The following C4orf51 variants were observed in gnomAD, a reference collection of about 807,000 sequenced individuals.
The protein encoded by C4orf51 is uncharacterized protein C4orf51.
A neutral mutation model predicts 25.2 loss-of-function variants in C4orf51; 25 were observed. The ratio of observed to expected loss-of-function variants is 0.99; its 90% CI spans 0.72 to 1.39. The LOEUF is 1.39. C4orf51 is among the 40% of genes most tolerant of loss of function. C4orf51 has a pLI of 0.00. For synonymous variants in C4orf51, 100 were observed against 84.5 expected, an observed-to-expected ratio of 1.18 and a Z score of -1.01; for missense variants, 252 against 239.6, an observed-to-expected ratio of 1.05 and a Z score of -0.34.
chr4:145,732,334 A>G (rs560164218), intron 5 of C4orf51, 119 bp from the exon 6 acceptor site: 4 of 638,248 alleles, frequency 6.3e-6, no homozygotes, highest in South Asian at 2.0e-5. Context: ...TGCAGGATCA[A>G]TCCCATCTCC....
At chr4:145,707,259 A>G (rs1005471739) in intron 2 of C4orf51, among the ~76,000 whole-genome samples, 1 of 152,218 alleles carries the variant, frequency 6.6e-6, no homozygotes, top group East Asian at 1.9e-4. Flanking sequence ...ACTTTTTTAT[A>G]TAAAATCTCT....
At chr4:145,747,569 A>G (rs1483008512) in intron 1 of C4orf51, among the ~76,000 whole-genome samples, 1 of 152,124 alleles carries the variant, frequency 6.6e-6, no homozygotes, top group East Asian at 1.9e-4. Context: ...AATGATGAAT[A>G]ATCCTTTTAA....
chr4:145,704,488 C>T (rs1486703685), intron 2 of C4orf51, among the ~76,000 whole-genome samples: 1 of 151,960 alleles, frequency 6.6e-6, no homozygotes, highest in African/African-American at 2.4e-5. Context: ...CTATTCTTTC[C>T]CTATTGTGTA....
the C4orf51 span, among the ~76,000 whole-genome samples, chr4:145,780,428 C>G: frequency 7.9e-5 from 12 of 152,168 alleles, no homozygotes; most frequent in African/African-American, 2.9e-4. Context: ...AAGAATGAAC[C>G]AGAATTTCCC....
chr4:145,683,361 A>G (rs533999068), intron 1 of C4orf51, among the ~76,000 whole-genome samples: 139 of 152,226 alleles, frequency 9.1e-4, no homozygotes, highest in Non-Finnish European at 1.8e-3. Context: ...TGCAGTTGCA[A>G]TCAAAATCCA....
chr4:145,766,158 T>C (rs1053635124), intron 1 of C4orf51, among the ~76,000 whole-genome samples: 6 of 152,058 alleles, frequency 3.9e-5, no homozygotes, highest in Non-Finnish European at 7.4e-5. Flanking sequence ...CTGGCCTAGA[T>C]CATATGGCTG....
chr4:145,693,477 C>T (rs906393938), intron 1 of C4orf51, among the ~76,000 whole-genome samples: 1 of 152,176 alleles, frequency 6.6e-6, no homozygotes, highest in Non-Finnish European at 1.5e-5. Context: ...AATCTTTTCC[C>T]CACCTTTCCC....
At chr4:145,774,747 A>C, downstream of C4orf51, 1 of 1,488,240 alleles carries the variant, frequency 6.7e-7, no homozygotes. Context: ...CTGTCCATTT[A>C]TACACAGTAC....
intron 2 of C4orf51, among the ~76,000 whole-genome samples, chr4:145,706,560 C>A (rs570272839): frequency 6.6e-6 from 1 of 152,286 alleles, no homozygotes; most frequent in South Asian, 2.1e-4. Context: ...CATTTTGATT[C>A]CTTAAAGAAA....
intron 1 of C4orf51, among the ~76,000 whole-genome samples, chr4:145,740,405 A>C (rs567729656): frequency 3.0e-4 from 46 of 152,202 alleles, no homozygotes; most frequent in Middle Eastern, 3.4e-3. Context: ...GTGGCTCCTA[A>C]CTCATCGGGT....
At chr4:145,709,730 CCAAG>C (rs1221530369) in intron 2 of C4orf51, among the ~76,000 whole-genome samples, 5 of 152,256 alleles carry the variant, frequency 3.3e-5, no homozygotes, top group African/African-American at 9.6e-5. Context: ...AGAAGAAACC[CCAAG>C]CATTGCATGG....
chr4:145,732,637 C>A lies in C4orf51; in HGVS notation c.*77C>A. ...ACTTTGAGGTATGGGGCCCTCCCAA[C>A]ACCCTCCCCCCACCCGCCCCGCCCA... is the stretch of plus-strand genomic sequence containing the variant. On this transcript the variant is annotated 3_prime_UTR_variant, in exon 6 of 6. Transcript: ENST00000438731. The A allele has an allele frequency of 3.2e-6, 3 of 936,760 alleles. No individual in the cohort carries two copies. Among genetic ancestry groups the A allele is most frequent in the East Asian group, 2.7e-5 (1 of 36,900 alleles). The allele number at this position is 936,760 out of a possible 1,614,324, so 58.0% of individuals were successfully genotyped here. A position where few individuals can be genotyped will look rare whatever the true frequency, so the allele number is the denominator to read the frequency against.
intron 1 of C4orf51, among the ~76,000 whole-genome samples, chr4:145,748,796 A>G (rs1317813446): frequency 1.3e-5 from 2 of 152,018 alleles, no homozygotes; most frequent in Non-Finnish European, 2.9e-5. Flanking sequence ...CATATGGTCT[A>G]TCCTTCAGAA....
At chr4:145,695,534 G>C (rs542773950) in intron 1 of C4orf51, among the ~76,000 whole-genome samples, 19 of 152,218 alleles carry the variant, frequency 1.2e-4, no homozygotes, top group African/African-American at 4.6e-4. Context: ...TAGGTTGTCT[G>C]TTTACTCTGT....
chr4:145,714,799 G>A (rs1392844007), intron 2 of C4orf51, among the ~76,000 whole-genome samples: 1 of 152,158 alleles, frequency 6.6e-6, no homozygotes, highest in Non-Finnish European at 1.5e-5. Context: ...ACTGGCTTCA[G>A]GGGAAAAACA....
At chr4:145,738,115 T>C (rs938908252) in intron 1 of C4orf51, among the ~76,000 whole-genome samples, 1 of 152,036 alleles carries the variant, frequency 6.6e-6, no homozygotes, top group African/African-American at 2.4e-5. Context: ...TAGAGAAAAA[T>C]GTGTAAAGAA....
At position 145,761,148 on chromosome 4, in the gene C4orf51, G is replaced by A; in HGVS notation, n.167-9840G>A. 1 of 1,289,818 alleles carries A rather than the reference G, an allele frequency of 7.8e-7. No homozygotes were observed. The highest frequency in any genetic ancestry group is 1.0e-6 in the Non-Finnish European group (1 of 988,838). The allele number at this position is 1,289,818 out of a possible 1,614,324, so 79.9% of individuals were successfully genotyped here. ...GGGCCCCCGGGCCGGCCGGTTCCTT[G>A]GGGGCTGGACACAGGCCCTTCTTGT... On this transcript the variant is annotated intron_variant and non_coding_transcript_variant, in intron 1 of 1. Coordinates refer to the C4orf51 transcript ENST00000510096. The surrounding 1 kb of genome is among the most constrained non-coding windows in gnomAD (Gnocchi z 6.8).
intron 1 of C4orf51, among the ~76,000 whole-genome samples, chr4:145,769,565 A>G (rs1371173841): frequency 6.6e-6 from 1 of 152,176 alleles, no homozygotes; most frequent in Admixed American, 6.5e-5. Context: ...TGTGCCAGCC[A>G]CTCTGTGATG....
chr4:145,683,559 G>T (rs1728961312), intron 1 of C4orf51, among the ~76,000 whole-genome samples: 1 of 152,162 alleles, frequency 6.6e-6, no homozygotes, highest in Non-Finnish European at 1.5e-5. Flanking sequence ...ACAGATCAAT[G>T]AAGTAGAATA....
Sources: allele counts gnomAD v4.1 joint callset (sites outside exome capture counted in the v4.1 genomes callset), GRCh38; gene constraint gnomAD v4.1.1; non-coding constraint Gnocchi (gnomAD v3.1); transcripts MANE v1.5; gene names NCBI Gene and HGNC (gene_info 2026-07-23, HGNC 2026-07-21).